Variants in NR2C2 observed in about 807,000 individuals in gnomAD.
The protein encoded by NR2C2 is Nuclear hormone receptor TR4.
NR2C2 carries 6 observed loss-of-function variants against 62.9 expected under a neutral mutation model. The ratio of observed to expected loss-of-function variants is 0.10; its 90% CI spans 0.05 to 0.19. The LOEUF (loss-of-function observed/expected upper bound fraction) is 0.19. Ranked by LOEUF, NR2C2 falls within the 10% of genes least tolerant of loss-of-function variation. The pLI is 1.00. For missense variants in NR2C2, 479 were observed against 762.7 expected (o/e 0.63, Z 4.38); for synonymous variants, 272 against 273.8 (o/e 0.99, Z 0.07).
intron 1 of NR2C2, among the ~76,000 whole-genome samples, chr3:14,952,235 C>T (rs2039386679): frequency 6.6e-6 from 1 of 152,140 alleles, no homozygotes; most frequent in Non-Finnish European, 1.5e-5. Context: ...CCAGGGATAG[C>T]GGATACTTGT....
chr3:14,987,552 A>G (rs1464381486), intron 1 of NR2C2, among the ~76,000 whole-genome samples: 1 of 152,194 alleles, frequency 6.6e-6, no homozygotes, highest in Non-Finnish European at 1.5e-5. Context: ...TAATTTCTTT[A>G]TTACCACACT....
intron 2 of NR2C2, chr3:15,004,680 ATTG>A: frequency 6.5e-7 from 1 of 1,550,132 alleles, no homozygotes; most frequent in South Asian, 1.2e-5. Flanking sequence ...ACAAAGATTT[ATTG>A]TTATCTCAAC....
intron 1 of NR2C2, among the ~76,000 whole-genome samples, chr3:14,988,109 A>G (rs2125354168): frequency 6.6e-6 from 1 of 152,400 alleles, no homozygotes; most frequent in South Asian, 2.1e-4. Flanking sequence ...ATAGACAGAC[A>G]GGTAAACTTT....
intron 1 of NR2C2, among the ~76,000 whole-genome samples, chr3:14,975,185 TA>T (rs778293824): frequency 4.6e-5 from 7 of 152,214 alleles, no homozygotes; most frequent in Admixed American, 6.5e-5. Context: ...GGGATAATTT[TA>T]CTTCTTTCTT....
chr3:14,980,620 A>G (rs529228098), intron 1 of NR2C2, among the ~76,000 whole-genome samples: 1 of 152,376 alleles, frequency 6.6e-6, no homozygotes, highest in Non-Finnish European at 1.5e-5. Context: ...AAATAATAAC[A>G]GTCCTAATAA....
chr3:14,948,878 G>A (rs75343838), intron 1 of NR2C2, among the ~76,000 whole-genome samples: 16,087 of 152,194 alleles, frequency 0.11, 911 homozygotes, highest in Middle Eastern at 0.17. Flanking sequence ...TGGGGGGCAT[G>A]CGCATTCTTG....
At chr3:14,953,546 C>G (rs1409051629) in intron 1 of NR2C2, among the ~76,000 whole-genome samples, 1 of 152,092 alleles carries the variant, frequency 6.6e-6, no homozygotes, top group African/African-American at 2.4e-5. Flanking sequence ...TTGATAAAAG[C>G]TATGCAGGGG....
rs1348152210 is a variant in NR2C2 at position 15,048,483 on chromosome 3, T to C, written c.*5475T>C. The stretch of plus-strand genomic sequence containing the variant: ...TTTTAATGCCCAGCTATAAATAATT[T>C]TGGTGTCTTGATATTTATACATGCA... On this transcript the variant is annotated 3_prime_UTR_variant, in exon 14 of 14. Transcript: ENST00000425241. The C allele has an allele frequency of 6.6e-6, 1 of 152,624 alleles. No homozygotes were observed. The highest frequency in any genetic ancestry group is 1.5e-5 in the Non-Finnish European group (1 of 68,034). 9.5% of individuals were successfully genotyped at this position (152,624 alleles called of 1,614,324 possible).
chr3:15,038,634 G>A (rs2042168827), intron 12 of NR2C2: 1 of 168,008 alleles, frequency 6.0e-6, no homozygotes, highest in African/African-American at 2.4e-5. Flanking sequence ...CTTATTAACT[G>A]TTCTCTCAAG....
chr3:14,947,676 A>G lies in NR2C2; in HGVS notation c.-270A>G, dbSNP rs1360289488. On this transcript the variant is annotated 5_prime_UTR_variant, in exon 1 of 14. Coordinates refer to ENST00000425241, the MANE Select transcript of NR2C2 (RefSeq NM_001291694.2). ...CCTTTCACTGACAAAAACAATAACA[A>G]ACCCCCCCTTCTCCGCGACCCCGGC... The G allele has an allele frequency of 6.9e-6, 1 of 145,034 alleles. No homozygotes were observed. The highest frequency in any genetic ancestry group is 2.6e-5 in the African/African-American group (1 of 39,080). The allele number at this position is 145,034 out of a possible 1,614,324, so 9.0% of individuals were successfully genotyped here. A position where few individuals can be genotyped will look rare whatever the true frequency, so the allele number is the denominator to read the frequency against.
At position 15,044,961 on chromosome 3, in the gene NR2C2, T is replaced by C. The variant is rs1185223714; in HGVS notation, c.*1953T>C. 1.3e-5 allele frequency: 2 copies of C among 152,244 alleles called. No homozygotes were observed. Among genetic ancestry groups the C allele is most frequent in the African/African-American group, 4.8e-5 (2 of 41,468 alleles). 9.4% of individuals were successfully genotyped at this position (152,244 alleles called of 1,614,324 possible). On this transcript the variant is annotated 3_prime_UTR_variant, in exon 14 of 14. Coordinates refer to ENST00000425241, the MANE Select transcript of NR2C2 (RefSeq NM_001291694.2). The stretch of plus-strand genomic sequence containing the variant: ...ATAATTCTTGCCTTGGCAGCAAATT[T>C]TGGAGAGTAGTGGGAGTGGCCATTA...
chr3:15,038,213 A>G (rs2042157716), intron 12 of NR2C2, 76 bp downstream of exon 12: 2 of 1,454,890 alleles, frequency 1.4e-6, no homozygotes, highest in Admixed American at 2.2e-5. Flanking sequence ...ACATGTTGTC[A>G]TCATTGGTGT....
chr3:15,004,505 A>G, intron 2 of NR2C2: 1 of 1,509,206 alleles, frequency 6.6e-7, no homozygotes, highest in Non-Finnish European at 9.0e-7. Flanking sequence ...ACTTATTACT[A>G]ATATTGTTAT....
intron 1 of NR2C2, among the ~76,000 whole-genome samples, chr3:15,001,066 G>A (rs373859025): frequency 5.3e-5 from 8 of 151,870 alleles, no homozygotes; most frequent in Admixed American, 2.0e-4. Context: ...CACCTGCCTC[G>A]GCCTCCCAAA....
Position 15,020,036 on chromosome 3 carries a change from CA to C in NR2C2, c.377-715del, listed in dbSNP as rs1482792000. On this transcript the variant is annotated intron_variant, in intron 4 of 13. Coordinates refer to ENST00000425241, the MANE Select transcript of NR2C2 (RefSeq NM_001291694.2). ...TCATAAATATGGACATGGACAATTA[CA>C]ATGTATCAGAAATAAAAAGAGACAC... Among the ~76,000 whole-genome samples the C allele has an allele frequency of 1.4e-4, 22 of 152,156 alleles. 4 individuals are homozygous for C. Among genetic ancestry groups the C allele is most frequent in the East Asian group, 1.4e-3 (7 of 5,176 alleles).
intron 5 of NR2C2, among the ~76,000 whole-genome samples, chr3:15,022,404 T>C (rs982116451): frequency 6.3e-5 from 9 of 142,348 alleles, no homozygotes; most frequent in South Asian, 2.3e-4. Flanking sequence ...CTTTCTTTTT[T>C]TTTTTTTTTT....
chr3:14,974,565 TG>T (rs2040146672), intron 1 of NR2C2, among the ~76,000 whole-genome samples: 1 of 151,956 alleles, frequency 6.6e-6, no homozygotes. Flanking sequence ...TTTCTTTCCA[TG>T]GTGTTTTATA....
chr3:15,038,349 G>T (rs2042161385), intron 12 of NR2C2: 1 of 455,354 alleles, frequency 2.2e-6, no homozygotes, highest in Non-Finnish European at 3.9e-6. Flanking sequence ...AGTGCCTGAT[G>T]ATGTCACGCA....
chr3:15,000,087 C>T (rs187528694), intron 1 of NR2C2, among the ~76,000 whole-genome samples: 66 of 152,044 alleles, frequency 4.3e-4, no homozygotes, highest in Admixed American at 8.5e-4. Context: ...TAACTGTATT[C>T]GCCATGCTGT....
Sources: gnomAD v4.1 joint callset for allele counts (sites outside exome capture counted in the v4.1 genomes callset) on GRCh38, gnomAD v4.1.1 for gene constraint, MANE v1.5 for transcripts, NCBI Gene and HGNC (gene_info 2026-07-23, HGNC 2026-07-21) for gene names.